Variants in FSTL4 observed in about 807,000 individuals in gnomAD.
The protein encoded by FSTL4 is follistatin-related protein 4.
FSTL4 carries 28 observed loss-of-function variants against 78.2 expected under a neutral mutation model. The ratio of observed to expected loss-of-function variants is 0.36; its 90% CI spans 0.27 to 0.49. The LOEUF (loss-of-function observed/expected upper bound fraction) is 0.49, where lower values mean the gene tolerates loss of function less well. Ranked by LOEUF, FSTL4 falls within the 20% of genes least tolerant of loss-of-function variation. FSTL4 has a pLI of 0.98. For synonymous variants in FSTL4, 422 were observed against 440.5 expected (o/e 0.96, Z 0.53); for missense variants, 922 against 1,084.9 (o/e 0.85, Z 2.11).
intron 13 of FSTL4, among the ~76,000 whole-genome samples, chr5:133,216,285 C>A (rs1349138511): frequency 2.0e-5 from 3 of 152,166 alleles, no homozygotes; most frequent in Non-Finnish European, 4.4e-5. Context: ...AGACCAGATC[C>A]CTGCTCCATC....
Position 133,400,845 on chromosome 5 carries a change from C to T in FSTL4, c.302G>A (p.Cys101Tyr). The stretch of plus-strand genomic sequence containing the variant: ...TTCATAAAACCTCCCATCAGAGCCG[C>T]ACACAGGCACGTAGCTGGGCCTGCA... Reference protein sequence around the residue: ...EACRPSYVPVCGSDGRFYENH... With the variant: ...EACRPSYVPVYGSDGRFYENH... Residue 101 changes from cysteine to tyrosine, a missense_variant, in exon 4 of 16, where the codon TGC (cysteine) becomes TAC (tyrosine). Physicochemically the swap from Cys to Tyr is radical, Grantham distance 194 (BLOSUM62 -2). Coordinates refer to ENST00000265342, the MANE Select transcript of FSTL4 (RefSeq NM_015082.2). 1.9e-6 allele frequency: 3 copies of T among 1,614,022 alleles called. No homozygotes were observed. The highest frequency in any genetic ancestry group is 2.2e-5 in the East Asian group (1 of 44,884).
the FSTL4 span, among the ~76,000 whole-genome samples, chr5:133,757,121 T>TAATCTGCACAAATGGTCC: frequency 6.6e-6 from 1 of 152,304 alleles, no homozygotes; most frequent in South Asian, 2.1e-4. Flanking sequence ...ACAAATGGTC[T>TAATCTGCACAAATGGTCC]AACCTGCACA....
intron 4 of FSTL4, among the ~76,000 whole-genome samples, chr5:133,396,208 C>A (rs1756040785): frequency 6.6e-6 from 1 of 152,208 alleles, no homozygotes; most frequent in Non-Finnish European, 1.5e-5. Context: ...CGTGATGTTA[C>A]AACGGCACCA....
the FSTL4 span, among the ~76,000 whole-genome samples, chr5:133,741,022 T>C: frequency 6.6e-6 from 1 of 151,922 alleles, no homozygotes; most frequent in Non-Finnish European, 1.5e-5. Flanking sequence ...GGTGGGTATA[T>C]TGCAAGCATA....
rs1021366704 is a variant in FSTL4 at position 133,236,429 on chromosome 5, A to C, written c.895-2892T>G. ...GTATTTAATCCTCAGGAAAAAAAAA[A>C]CCCTGAAAACCCCAATCCAGAAAAC... On this transcript the variant is annotated intron_variant, in intron 7 of 15. Coordinates refer to ENST00000265342, the MANE Select transcript of FSTL4 (RefSeq NM_015082.2). The surrounding 1 kb of genome is among the most constrained non-coding windows in gnomAD (Gnocchi z 5.0). Among the ~76,000 whole-genome samples the C allele has an allele frequency of 3.6e-4, 55 of 151,070 alleles. No individual in the cohort carries two copies. The highest frequency in any genetic ancestry group is 1.1e-3 in the African/African-American group (45 of 40,680).
chr5:133,526,099 A>G (rs1178091713), intron 3 of FSTL4, among the ~76,000 whole-genome samples: 1 of 152,156 alleles, frequency 6.6e-6, no homozygotes, highest in Non-Finnish European at 1.5e-5. Flanking sequence ...CAGCTTTGAT[A>G]CCTAGCACTG....
At chr5:133,821,920 G>T in the FSTL4 span, among the ~76,000 whole-genome samples, 1 of 152,096 alleles carries the variant, frequency 6.6e-6, no homozygotes, top group African/African-American at 2.4e-5. Context: ...AGATGCCAAG[G>T]GTCTTATGGG....
intron 3 of FSTL4, among the ~76,000 whole-genome samples, chr5:133,524,139 T>C (rs780846085): frequency 2.6e-5 from 4 of 152,088 alleles, no homozygotes; most frequent in Non-Finnish European, 4.4e-5. Flanking sequence ...AGGTGTGTCC[T>C]GCTTGAGGGG....
At chr5:133,581,198 T>C (rs1172623850) in intron 2 of FSTL4, among the ~76,000 whole-genome samples, 1 of 152,178 alleles carries the variant, frequency 6.6e-6, no homozygotes, top group East Asian at 1.9e-4. Context: ...ATAAGACCGT[T>C]TTTCAATTTT....
intron 3 of FSTL4, among the ~76,000 whole-genome samples, chr5:133,402,554 G>A (rs25739): frequency 6.6e-6 from 1 of 151,522 alleles, no homozygotes; most frequent in Non-Finnish European, 1.5e-5. Flanking sequence ...TTAGCCCCGG[G>A]TCCTACCCAT....
chr5:133,273,004 G>C (rs934743004), intron 6 of FSTL4, among the ~76,000 whole-genome samples: 1 of 152,234 alleles, frequency 6.6e-6, no homozygotes, highest in Non-Finnish European at 1.5e-5. Context: ...GCAGGAGCAG[G>C]ACGGATTGGG....
the FSTL4 span, among the ~76,000 whole-genome samples, chr5:133,718,100 T>G: frequency 1.6e-5 from 2 of 128,042 alleles, no homozygotes; most frequent in African/African-American, 2.9e-5. Flanking sequence ...TGGTTTTTGG[T>G]TTTTTTTTTT....
At chr5:133,518,809 C>T (rs1026180227) in intron 3 of FSTL4, among the ~76,000 whole-genome samples, 4 of 152,090 alleles carry the variant, frequency 2.6e-5, no homozygotes, top group Non-Finnish European at 4.4e-5. Context: ...ATGTGCTTTG[C>T]TATATTTCCA....
At chr5:133,255,877 C>G (rs562427423) in intron 6 of FSTL4, among the ~76,000 whole-genome samples, 1 of 152,146 alleles carries the variant, frequency 6.6e-6, no homozygotes, top group African/African-American at 2.4e-5. Flanking sequence ...TAATCTCAGG[C>G]GCTATTTCTC....
At chr5:133,208,310 T>C (rs1750591422) in intron 14 of FSTL4, 1 of 152,150 alleles carries the variant, frequency 6.6e-6, no homozygotes. Context: ...AGCGTGTAGA[T>C]GGGATACCAC....
intron 3 of FSTL4, among the ~76,000 whole-genome samples, chr5:133,514,955 CA>C (rs1167825519): frequency 6.6e-6 from 1 of 152,060 alleles, no homozygotes; most frequent in Non-Finnish European, 1.5e-5. Flanking sequence ...ATGCAGTATT[CA>C]AGACAATATA....
At chr5:133,548,232 GGTCA>G (rs1759621422) in intron 3 of FSTL4, among the ~76,000 whole-genome samples, 1 of 152,186 alleles carries the variant, frequency 6.6e-6, no homozygotes, top group Non-Finnish European at 1.5e-5. Context: ...AAGGATTTAT[GGTCA>G]GTGTTTATAG....
chr5:133,537,154 A>G (rs1469662101), intron 3 of FSTL4, among the ~76,000 whole-genome samples: 2 of 152,202 alleles, frequency 1.3e-5, no homozygotes, highest in Non-Finnish European at 2.9e-5. Flanking sequence ...CACATAAATT[A>G]TAGAACCTGC....
intron 6 of FSTL4, among the ~76,000 whole-genome samples, chr5:133,269,898 G>A (rs565870577): frequency 6.6e-6 from 1 of 152,204 alleles, no homozygotes; most frequent in African/African-American, 2.4e-5. Context: ...GACGGCATCT[G>A]TTGCTGCCTA....
Sources: allele counts gnomAD v4.1 joint callset (sites outside exome capture counted in the v4.1 genomes callset), GRCh38; gene constraint gnomAD v4.1.1; non-coding constraint Gnocchi (gnomAD v3.1); transcripts MANE v1.5; gene names NCBI Gene and HGNC (gene_info 2026-07-23, HGNC 2026-07-21).